The following ENPP2 variants were observed in gnomAD, a reference collection of about 807,000 sequenced individuals.
ENPP2 encodes autotaxin.
A neutral mutation model predicts 120.2 loss-of-function variants in ENPP2; 51 were observed. The observed-to-expected ratio is 0.42, with a 90% confidence interval of 0.34 to 0.54. The LOEUF (loss-of-function observed/expected upper bound fraction) is 0.54, where lower values mean the gene tolerates loss of function less well. Among genes scored for constraint, ENPP2 ranks in the 20% least tolerant of loss-of-function variants. The pLI is 0.04. For missense variants in ENPP2, 920 were observed against 1,066.5 expected, an observed-to-expected ratio of 0.86 and a Z score of 1.91; for synonymous variants, 365 against 366.4, an observed-to-expected ratio of 1.00 and a Z score of 0.04.
At chr8:119,634,533 C>T (rs1239170536) in intron 2 of ENPP2, among the ~76,000 whole-genome samples, 7 of 151,368 alleles carry the variant, frequency 4.6e-5, no homozygotes, top group South Asian at 4.3e-4. Flanking sequence ...TCTCATCAGC[C>T]TTAAAGGCAT....
At chr8:119,617,626 G>T in intron 5 of ENPP2, 63 bp from the exon 6 acceptor site, 1 of 1,123,228 alleles carries the variant, frequency 8.9e-7, no homozygotes, top group Non-Finnish European at 1.3e-6. Context: ...TACGCCTAGT[G>T]ATTCTCAATA....
intron 18 of ENPP2, 34 bp from the exon 19 acceptor site, chr8:119,580,201 A>T: frequency 6.4e-7 from 1 of 1,569,118 alleles, no homozygotes; most frequent in East Asian, 2.2e-5. Context: ...GGAAAAAAGA[A>T]AGCAAATCAG....
At chr8:119,672,772 T>C (rs1210503400) in intron 1 of ENPP2, among the ~76,000 whole-genome samples, 1 of 152,194 alleles carries the variant, frequency 6.6e-6, no homozygotes, top group African/African-American at 2.4e-5. Context: ...TGATTCTGTC[T>C]CCTGGAGGCA....
chr8:119,586,247 C>T lies in ENPP2; in HGVS notation c.1306G>A (p.Ala436Thr). Residue 436 changes from alanine (A) to threonine (T), a missense_variant, in exon 15 of 25, where the codon GCC (alanine) becomes ACC (threonine). Transcript: ENST00000075322. ...KQHLPKRLHY[A>T]NNRRIEDIHL... is the part of the protein sequence containing the mutation. Reference sequence around the variant, plus strand: ...ATATCCTCAATTCTTCTGTTGTTGGCATAGTGCAAACGTTTGGGAAGGTGC... The same window carrying T: ...ATATCCTCAATTCTTCTGTTGTTGGTATAGTGCAAACGTTTGGGAAGGTGC... The T allele has an allele frequency of 6.2e-7, 1 of 1,613,910 alleles. No individual in the cohort carries two copies. The highest frequency in any genetic ancestry group is 8.5e-7 in the Non-Finnish European group (1 of 1,179,834).
chr8:119,572,712 T>C, intron 19 of ENPP2: 1 of 160,800 alleles, frequency 6.2e-6, no homozygotes, highest in East Asian at 1.7e-4. Flanking sequence ...GCCTTGGTTG[T>C]GCCAGACCTT....
chr8:119,560,357 G>A (rs1813833974), intron 24 of ENPP2, among the ~76,000 whole-genome samples: 1 of 152,100 alleles, frequency 6.6e-6, no homozygotes. Flanking sequence ...GGGCTTTTGT[G>A]GTTGTAAACA....
At chr8:119,667,023 C>T (rs747953090) in intron 1 of ENPP2, among the ~76,000 whole-genome samples, 2 of 151,936 alleles carry the variant, frequency 1.3e-5, no homozygotes, top group Non-Finnish European at 2.9e-5. Context: ...AAAATCAAGT[C>T]GTAGGGCTGG....
intron 8 of ENPP2, among the ~76,000 whole-genome samples, chr8:119,612,814 C>G (rs1019740607): frequency 6.6e-6 from 1 of 152,026 alleles, no homozygotes; most frequent in Non-Finnish European, 1.5e-5. Context: ...TGCTTGAGCC[C>G]GAGAGGCTGA....
At chr8:119,648,784 G>A (rs1482407601) in intron 1 of ENPP2, among the ~76,000 whole-genome samples, 1 of 152,184 alleles carries the variant, frequency 6.6e-6, no homozygotes, top group East Asian at 1.9e-4. Context: ...CATATTTAAT[G>A]GTGAAAGACT....
At chr8:119,573,238 C>T (rs184762061) in intron 19 of ENPP2, 2 of 151,948 alleles carry the variant, frequency 1.3e-5, no homozygotes, top group Admixed American at 6.6e-5. Flanking sequence ...AAAACCCTGT[C>T]TCTACTAAAA....
intron 12 of ENPP2, among the ~76,000 whole-genome samples, chr8:119,591,595 A>T (rs1358079390): frequency 1.3e-5 from 2 of 152,154 alleles, no homozygotes; most frequent in Non-Finnish European, 2.9e-5. Context: ...GAGAATACTC[A>T]TATATTTATA....
chr8:119,606,788 T>C (rs1247954256), intron 9 of ENPP2, among the ~76,000 whole-genome samples: 1 of 151,782 alleles, frequency 6.6e-6, no homozygotes, highest in Non-Finnish European at 1.5e-5. Context: ...CTCAGCACAC[T>C]GCTATTATAG....
At chr8:119,587,237 A>G (rs1813178691) in intron 13 of ENPP2, among the ~76,000 whole-genome samples, 162 bp from the exon 14 acceptor site, 1 of 152,222 alleles carries the variant, frequency 6.6e-6, no homozygotes, top group Non-Finnish European at 1.5e-5. Context: ...GGTATTTAAC[A>G]TTTCAGTCAT....
intron 3 of ENPP2, among the ~76,000 whole-genome samples, chr8:119,621,927 T>TTTTATTTA (rs922486356): frequency 1.3e-5 from 2 of 152,110 alleles, no homozygotes. Flanking sequence ...TTTATTTTTA[T>TTTTATTTA]TTTATTTATT....
At chr8:119,572,685 A>C (rs1441368245) in intron 19 of ENPP2, 2 of 159,686 alleles carry the variant, frequency 1.3e-5, no homozygotes, top group Non-Finnish European at 2.8e-5. Context: ...ATTATTCTTC[A>C]TCATCAAACA....
At chr8:119,669,753 G>C (rs773661022) in intron 1 of ENPP2, among the ~76,000 whole-genome samples, 2 of 152,178 alleles carry the variant, frequency 1.3e-5, no homozygotes. Context: ...TTTCTGAGAA[G>C]AGTAGTGTGT....
At chr8:119,641,105 T>C (rs1817274069), upstream of ENPP2, among the ~76,000 whole-genome samples, 1 of 152,192 alleles carries the variant, frequency 6.6e-6, no homozygotes, top group African/African-American at 2.4e-5. Flanking sequence ...ACCAGCTTGT[T>C]GTGCATAAGG....
At chr8:119,670,037 C>T (rs1215452434) in intron 1 of ENPP2, among the ~76,000 whole-genome samples, 2 of 152,202 alleles carry the variant, frequency 1.3e-5, no homozygotes, top group Non-Finnish European at 2.9e-5. Context: ...AGGACTCTTA[C>T]AAGCCCACCT....
chr8:119,661,456 A>C (rs1001784456), intron 1 of ENPP2, among the ~76,000 whole-genome samples: 1 of 152,214 alleles, frequency 6.6e-6, no homozygotes, highest in African/African-American at 2.4e-5. Flanking sequence ...CAAAACCACA[A>C]TGAAATATCA....
Sources: gnomAD v4.1 joint callset for allele counts (sites outside exome capture counted in the v4.1 genomes callset) on GRCh38, gnomAD v4.1.1 for gene constraint, MANE v1.5 for transcripts, NCBI Gene and HGNC (gene_info 2026-07-23, HGNC 2026-07-21) for gene names.